Variants in SNX18 observed in about 807,000 individuals in gnomAD.
SNX18 encodes sorting nexin 18.
In SNX18, 35 loss-of-function variants were observed where a neutral mutation model predicts 48.7. That is an observed-to-expected ratio of 0.72 (90% CI 0.55 to 0.95). The LOEUF (loss-of-function observed/expected upper bound fraction) is 0.95. Ranked by LOEUF, SNX18 falls within the 40% of genes least tolerant of loss-of-function variation. SNX18 has a pLI of 0.00. For missense variants in SNX18, 824 were observed against 871.0 expected (o/e 0.95, Z 0.68); for synonymous variants, 492 against 384.7 (o/e 1.28, Z -3.26).
chr5:54,622,927 T>G, the SNX18 span, among the ~76,000 whole-genome samples: 2 of 152,244 alleles, frequency 1.3e-5, no homozygotes, highest in African/African-American at 4.8e-5. Flanking sequence ...AAGTTAGAAA[T>G]GTTTGAAGCA....
At chr5:54,616,277 A>G in the SNX18 span, among the ~76,000 whole-genome samples, 2 of 152,332 alleles carry the variant, frequency 1.3e-5, no homozygotes, top group South Asian at 4.1e-4. Context: ...AATCATCCGC[A>G]CATGACCTAT....
chr5:54,569,145 AT>A, the SNX18 span, among the ~76,000 whole-genome samples: 27 of 149,018 alleles, frequency 1.8e-4, no homozygotes, highest in East Asian at 3.9e-4. Flanking sequence ...GCCCAACCAC[AT>A]TTTTTTTTTC....
the SNX18 span, among the ~76,000 whole-genome samples, chr5:54,632,789 T>C: frequency 4.7e-3 from 723 of 152,292 alleles, 9 homozygotes; most frequent in South Asian, 0.031. Context: ...TTTTATTTTT[T>C]TTTGAGATGG....
chr5:54,551,085 A>G (rs76627117), downstream of SNX18, among the ~76,000 whole-genome samples: 5,374 of 152,076 alleles, frequency 0.035, 348 homozygotes, highest in African/African-American at 0.12. Flanking sequence ...CTAGCAAAAA[A>G]AAAAAAGAAA....
chr5:54,565,434 G>A, the SNX18 span, among the ~76,000 whole-genome samples: 1 of 152,124 alleles, frequency 6.6e-6, no homozygotes, highest in South Asian at 2.1e-4. Flanking sequence ...AATACTGGGT[G>A]CAGTGGCATG....
the SNX18 span, among the ~76,000 whole-genome samples, chr5:54,610,566 T>C: frequency 6.6e-6 from 1 of 152,194 alleles, no homozygotes; most frequent in Non-Finnish European, 1.5e-5. Flanking sequence ...ATATTTTCTT[T>C]TGCAAATAAT....
At chr5:54,524,885 C>T (rs1762100374) in intron 1 of SNX18, among the ~76,000 whole-genome samples, 1 of 152,232 alleles carries the variant, frequency 6.6e-6, no homozygotes, top group Non-Finnish European at 1.5e-5. Flanking sequence ...GTTCCTTGTG[C>T]CAGGATTCTG....
At chr5:54,556,279 A>G in the SNX18 span, among the ~76,000 whole-genome samples, 4 of 152,180 alleles carry the variant, frequency 2.6e-5, no homozygotes, top group African/African-American at 9.7e-5. Context: ...GAGGTCAGAA[A>G]TCCAAAAGAG....
chr5:54,599,815 C>A, the SNX18 span, among the ~76,000 whole-genome samples: 1 of 152,178 alleles, frequency 6.6e-6, no homozygotes, highest in African/African-American at 2.4e-5. Flanking sequence ...CACTTCCTCA[C>A]ACCTTATACA....
At chr5:54,525,267 A>T (rs55793433) in intron 1 of SNX18, among the ~76,000 whole-genome samples, 34,166 of 152,042 alleles carry the variant, frequency 0.22, 4,704 homozygotes, top group Non-Finnish European at 0.3. Context: ...ACAACCAGGC[A>T]TGGTGGCACA....
the SNX18 span, among the ~76,000 whole-genome samples, chr5:54,582,143 T>TA: frequency 6.6e-6 from 1 of 152,230 alleles, no homozygotes; most frequent in African/African-American, 2.4e-5. Flanking sequence ...ACTTCATGGG[T>TA]AAAACTCTGT....
chr5:54,585,198 G>A, the SNX18 span, among the ~76,000 whole-genome samples: 5 of 151,848 alleles, frequency 3.3e-5, no homozygotes, highest in Non-Finnish European at 5.9e-5. Flanking sequence ...AGGCTGAGGT[G>A]GGAAGATTGC....
At chr5:54,546,682 C>G (rs759264648), downstream of SNX18, 18 of 152,172 alleles carry the variant, frequency 1.2e-4, no homozygotes, top group Non-Finnish European at 2.1e-4. Context: ...CATGTTCTGT[C>G]TTGAGCTTCA....
chr5:54,520,921 G>A (rs755021785), intron 1 of SNX18: 1 of 167,088 alleles, frequency 6.0e-6, no homozygotes, highest in Non-Finnish European at 1.5e-5. Context: ...GGCAATTTGC[G>A]ATTTGTAAAT....
the SNX18 span, among the ~76,000 whole-genome samples, chr5:54,637,043 C>T: frequency 6.6e-6 from 1 of 152,184 alleles, no homozygotes; most frequent in East Asian, 1.9e-4. Context: ...AAATAGACAA[C>T]TTGGTCAAAG....
At chr5:54,529,189 G>A (rs187624011) in intron 1 of SNX18, among the ~76,000 whole-genome samples, 3 of 152,264 alleles carry the variant, frequency 2.0e-5, no homozygotes, top group East Asian at 1.9e-4. Context: ...GGCAGTGTCC[G>A]TGGCGGTGGG....
the SNX18 span, among the ~76,000 whole-genome samples, chr5:54,583,925 T>A: frequency 6.6e-6 from 1 of 152,132 alleles, no homozygotes; most frequent in East Asian, 1.9e-4. Flanking sequence ...TGCCAGAGCC[T>A]GATGGTGCTG....
chr5:54,573,741 G>A, the SNX18 span, among the ~76,000 whole-genome samples: 6 of 152,174 alleles, frequency 3.9e-5, no homozygotes, highest in Admixed American at 1.3e-4. Flanking sequence ...ACTTCAGGAA[G>A]AGTATTGTGG....
intron 1 of SNX18, among the ~76,000 whole-genome samples, chr5:54,533,947 C>CCA (rs1762299792): frequency 6.6e-6 from 1 of 152,050 alleles, no homozygotes; most frequent in Non-Finnish European, 1.5e-5. Context: ...GTAGGGAAGG[C>CCA]CAGGGTGTGG....
Sources: allele counts gnomAD v4.1 joint callset (sites outside exome capture counted in the v4.1 genomes callset), GRCh38; gene constraint gnomAD v4.1.1; transcripts MANE v1.5; gene names NCBI Gene and HGNC (gene_info 2026-07-23, HGNC 2026-07-21).